The following TNKS variants were observed in gnomAD, a reference collection of about 807,000 sequenced individuals.
TNKS encodes the protein poly [ADP-ribose] polymerase tankyrase-1.
Under a neutral mutation model 135.8 loss-of-function variants are expected in TNKS, and 72 were observed. The observed-to-expected ratio is 0.53, with a 90% CI of 0.44 to 0.64. The LOEUF (loss-of-function observed/expected upper bound fraction) is 0.64. TNKS is among the 30% of genes least tolerant of loss of function. The pLI is 0.00. For synonymous variants in TNKS, 849 were observed against 649.3 expected, an observed-to-expected ratio of 1.31 and a Z score of -4.68; for missense variants, 1,769 against 1,674.0, an observed-to-expected ratio of 1.06 and a Z score of -0.99.
chr8:9,715,461 C>T (rs1804558035), intron 11 of TNKS, among the ~76,000 whole-genome samples: 3 of 151,976 alleles, frequency 2.0e-5, no homozygotes, highest in Admixed American at 6.6e-5. Context: ...CACCTGGTAC[C>T]ACCTGTAGCC....
chr8:9,682,800 T>TATTA (rs1802838240), intron 5 of TNKS, among the ~76,000 whole-genome samples: 1 of 129,644 alleles, frequency 7.7e-6, no homozygotes, highest in Admixed American at 8.0e-5. Flanking sequence ...TGTTTTTTGT[T>TATTA]ATTATTACTA....
chr8:9,625,952 A>G (rs557618594), intron 3 of TNKS, among the ~76,000 whole-genome samples: 91 of 152,184 alleles, frequency 6.0e-4, no homozygotes, highest in African/African-American at 1.4e-3. Flanking sequence ...ATTGAGTTCT[A>G]TATCCTTGCT....
At chr8:9,560,342 T>C (rs1797274399) in intron 1 of TNKS, among the ~76,000 whole-genome samples, 1 of 151,976 alleles carries the variant, frequency 6.6e-6, no homozygotes. Context: ...TGGATTATGA[T>C]AGGTAATGTG....
At chr8:9,577,771 T>C (rs1798009169) in intron 1 of TNKS, among the ~76,000 whole-genome samples, 1 of 152,174 alleles carries the variant, frequency 6.6e-6, no homozygotes, top group Admixed American at 6.5e-5. Flanking sequence ...ATCCTTCTCA[T>C]ATTTCAAAAT....
Position 9,726,721 on chromosome 8 carries a change from G to GT in TNKS, c.2001+2dup. 1 of 1,611,046 alleles carries GT rather than the reference G, an allele frequency of 6.2e-7. No homozygotes were observed. The highest frequency in any genetic ancestry group is 8.5e-7 in the Non-Finnish European group (1 of 1,178,394). ...AGCTGGAGACTTGGAAACTGTGAAG[G>GT]TAAGTCAGTGCCCTTAATATCTGGA... On this transcript the variant is annotated splice_donor_variant, in intron 13 of 26. Coordinates refer to ENST00000310430, the MANE Select transcript of TNKS (RefSeq NM_003747.3). LOFTEE classifies it high-confidence loss of function.
intron 5 of TNKS, among the ~76,000 whole-genome samples, chr8:9,689,822 T>A (rs1309488586): frequency 6.6e-6 from 1 of 152,222 alleles, no homozygotes; most frequent in Non-Finnish European, 1.5e-5. Context: ...TTAAAATGAC[T>A]ATCTAATGAT....
chr8:9,679,832 G>C (rs1412345238), intron 3 of TNKS, 119 bp from the exon 4 acceptor site: 2 of 770,754 alleles, frequency 2.6e-6, no homozygotes, highest in Non-Finnish European at 2.2e-6. Context: ...CCATCACCCA[G>C]CGGGGTGTGG....
chr8:9,562,917 G>A (rs938578687), intron 1 of TNKS, among the ~76,000 whole-genome samples: 5 of 151,184 alleles, frequency 3.3e-5, no homozygotes, highest in African/African-American at 1.2e-4. Flanking sequence ...TCTCTAGATA[G>A]ATTTTCTCAG....
chr8:9,677,858 CA>C (rs1175810963), intron 3 of TNKS, among the ~76,000 whole-genome samples: 1 of 152,036 alleles, frequency 6.6e-6, no homozygotes, highest in Admixed American at 6.6e-5. Flanking sequence ...TACTTACAAC[CA>C]TTCCCCTTCT....
At chr8:9,720,619 G>C in intron 12 of TNKS, 74 bp downstream of exon 12, 1 of 1,443,918 alleles carries the variant, frequency 6.9e-7, no homozygotes, top group South Asian at 1.5e-5. Context: ...GACAAACTTT[G>C]CAGTGTTTAC....
chr8:9,674,746 A>G (rs1802464331), intron 3 of TNKS, among the ~76,000 whole-genome samples: 1 of 152,210 alleles, frequency 6.6e-6, no homozygotes, highest in Admixed American at 6.5e-5. Flanking sequence ...GATGTTAGCT[A>G]GTTTAAAAGG....
At chr8:9,627,540 A>ATTGCTTGCTTGCTTGCTTGC (rs36130596) in intron 3 of TNKS, among the ~76,000 whole-genome samples, 17 of 148,222 alleles carry the variant, frequency 1.1e-4, no homozygotes, top group Non-Finnish European at 1.8e-4. Context: ...CTGTGGCAAA[A>ATTGCTTGCTTGCTTGCTTGC]TTGCTTGCTT....
At chr8:9,561,745 G>C (rs1428539070) in intron 1 of TNKS, among the ~76,000 whole-genome samples, 1 of 152,128 alleles carries the variant, frequency 6.6e-6, no homozygotes, top group African/African-American at 2.4e-5. Context: ...CTTAGGGTAG[G>C]TAAATGTCCG....
intron 3 of TNKS, among the ~76,000 whole-genome samples, chr8:9,622,016 CT>C (rs1799885720): frequency 6.7e-6 from 1 of 149,828 alleles, no homozygotes; most frequent in Non-Finnish European, 1.5e-5. Flanking sequence ...AATTTCTTGA[CT>C]AAGAAAATTA....
In TNKS at chr8:9,724,764, A is replaced by G. The variant is rs181968597; in HGVS notation, c.1922-1877A>G. ...ACTTTCTCCTCTTTAACCAGGACTAATAATTCTTTTCTCATAGTTCCAGAA... is the reference window on the plus strand; with the variant it reads ...ACTTTCTCCTCTTTAACCAGGACTAGTAATTCTTTTCTCATAGTTCCAGAA... On this transcript the variant is annotated intron_variant, in intron 12 of 26. Transcript: ENST00000310430. Among the ~76,000 whole-genome samples the G allele has an allele frequency of 2.5e-3, 378 of 152,336 alleles. 1 individual carries two copies. The highest frequency in any genetic ancestry group is 4.4e-3 in the Non-Finnish European group (296 of 68,020).
chr8:9,664,005 G>A (rs1323857034), intron 3 of TNKS, among the ~76,000 whole-genome samples: 2 of 152,184 alleles, frequency 1.3e-5, no homozygotes, highest in Non-Finnish European at 2.9e-5. Flanking sequence ...CCAGTCACAT[G>A]ATTGTTTCCT....
intron 5 of TNKS, among the ~76,000 whole-genome samples, chr8:9,697,565 T>A (rs1245957953): frequency 6.6e-6 from 1 of 152,062 alleles, no homozygotes; most frequent in African/African-American, 2.4e-5. Flanking sequence ...AGGTCTAATA[T>A]CCAGGATCTA....
chr8:9,727,792 A>G (rs1010185625), intron 13 of TNKS, among the ~76,000 whole-genome samples: 6 of 152,268 alleles, frequency 3.9e-5, no homozygotes, highest in African/African-American at 1.4e-4. Flanking sequence ...TTTTGTTTTA[A>G]TATGTGGGCA....
intron 5 of TNKS, among the ~76,000 whole-genome samples, chr8:9,690,211 G>A (rs889673436): frequency 2.0e-5 from 3 of 152,124 alleles, no homozygotes; most frequent in Non-Finnish European, 2.9e-5. Context: ...TTCACCACAC[G>A]TTTTAATTCT....
Sources: allele counts gnomAD v4.1 joint callset (sites outside exome capture counted in the v4.1 genomes callset), GRCh38; gene constraint gnomAD v4.1.1; transcripts MANE v1.5; gene names NCBI Gene and HGNC (gene_info 2026-07-23, HGNC 2026-07-21).